ITGB2: variants seen among roughly 807,000 people sequenced by gnomAD.
ITGB2 encodes the protein integrin subunit beta 2.
Under a neutral mutation model 86.8 loss-of-function variants are expected in ITGB2, and 56 were observed. The observed-to-expected ratio is 0.65, with a 90% CI of 0.52 to 0.81. The LOEUF (loss-of-function observed/expected upper bound fraction) is 0.81, where lower values mean the gene tolerates loss of function less well. ITGB2 is among the 30% of genes least tolerant of loss of function. ITGB2 has a pLI of 0.00. For missense variants in ITGB2, 948 were observed against 1,061.2 expected (o/e 0.89, Z 1.48); for synonymous variants, 457 against 450.4 (o/e 1.01, Z -0.19).
intron 1 of ITGB2, among the ~76,000 whole-genome samples, chr21:44,914,622 G>A (rs1283720381): frequency 6.6e-6 from 1 of 152,148 alleles, no homozygotes; most frequent in Non-Finnish European, 1.5e-5. Context: ...GAGAACAGGA[G>A]CAAACACAGG....
intron 4 of ITGB2, among the ~76,000 whole-genome samples, chr21:44,906,175 T>C (rs1410306747): frequency 1.2e-4 from 12 of 102,614 alleles, no homozygotes; most frequent in African/African-American, 4.1e-4. Context: ...CCTCCCTCCC[T>C]TCCCTCCCCT....
At chr21:44,915,448 C>T (rs1182581379) in intron 1 of ITGB2, among the ~76,000 whole-genome samples, 5 of 152,152 alleles carry the variant, frequency 3.3e-5, no homozygotes, top group South Asian at 2.1e-4. Flanking sequence ...ACCCACCTTG[C>T]GCTGTCCTAG....
chr21:44,918,622 G>A (rs796360439), intron 1 of ITGB2, among the ~76,000 whole-genome samples: 18 of 152,304 alleles, frequency 1.2e-4, no homozygotes, highest in African/African-American at 3.6e-4. Flanking sequence ...GGATGGCCGC[G>A]GCCCCTGTGC....
intron 15 of ITGB2, 63 bp downstream of exon 15, chr21:44,886,670 CAGG>C: frequency 6.2e-7 from 1 of 1,605,020 alleles, no homozygotes. Context: ...CCTCCCGCAG[CAGG>C]AGGTCGCATA....
chr21:44,908,230 A>G, intron 3 of ITGB2: 1 of 667,120 alleles, frequency 1.5e-6, no homozygotes, highest in Non-Finnish European at 2.8e-6. Flanking sequence ...ACGGTAAGGA[A>G]TGAGACACCA....
At chr21:44,887,265 C>G (rs1653963973) in intron 14 of ITGB2, among the ~76,000 whole-genome samples, 2 of 152,188 alleles carry the variant, frequency 1.3e-5, no homozygotes, top group Admixed American at 6.5e-5. Context: ...GGCTCAGGGT[C>G]CCTGCTGGAG....
At chr21:44,901,970 G>C (rs939823508) in intron 5 of ITGB2, 9 of 567,692 alleles carry the variant, frequency 1.6e-5, no homozygotes, top group Non-Finnish European at 2.8e-5. Context: ...GAGCATAAGT[G>C]TATGCATGTG....
At position 44,891,684 on chromosome 21, in the gene ITGB2, C is replaced by T. The variant is rs374787289; in HGVS notation, c.1412+125G>A. The T allele has an allele frequency of 6.3e-5, 71 of 1,122,550 alleles. 2 individuals carry two copies. The South Asian group carries it at 7.5e-4, about 12-fold the overall frequency. 69.5% of individuals were successfully genotyped at this position (1,122,550 alleles called of 1,614,324 possible). On this transcript the variant is annotated intron_variant, in intron 11 of 15. Coordinates refer to ENST00000652462, the MANE Select transcript of ITGB2 (RefSeq NM_000211.5). The stretch of plus-strand genomic sequence containing the variant: ...TCCCCACCTCCTGCAGAAGGGGGCC[C>T]CCAGGATGCCTGCTCCGTGGGGTGG...
At chr21:44,892,604 CAAAAAAAAAAAAA>C (rs11327948) in intron 10 of ITGB2, among the ~76,000 whole-genome samples, 1 of 71,144 alleles carries the variant, frequency 1.4e-5, no homozygotes, top group African/African-American at 5.5e-5. Flanking sequence ...AACTCCATCT[CAAAAAAAAAAAAA>C]AAAAAAAAAA....
chr21:44,917,302 T>C (rs1486613476), intron 1 of ITGB2, among the ~76,000 whole-genome samples: 1 of 152,060 alleles, frequency 6.6e-6, no homozygotes, highest in African/African-American at 2.4e-5. Flanking sequence ...TAAAAGTGAA[T>C]TTATGGGGAA....
chr21:44,895,350 G>A (rs1047326800), intron 8 of ITGB2, among the ~76,000 whole-genome samples: 3 of 151,948 alleles, frequency 2.0e-5, no homozygotes, highest in African/African-American at 7.3e-5. Context: ...GGCAACATAA[G>A]AAGACCCCAT....
chr21:44,893,820 C>T (rs2083825261), intron 9 of ITGB2: 37 of 455,136 alleles, frequency 8.1e-5, no homozygotes, highest in South Asian at 6.9e-4. Flanking sequence ...GCCTTGAGTC[C>T]CCAGGACCTA....
At chr21:44,887,457 C>T (rs2083715164) in intron 14 of ITGB2, among the ~76,000 whole-genome samples, 1 of 152,082 alleles carries the variant, frequency 6.6e-6, no homozygotes, top group South Asian at 2.1e-4. Context: ...AGCTGCTGAC[C>T]CTGGGACAGA....
intron 10 of ITGB2, 126 bp from the exon 11 acceptor site, chr21:44,892,122 C>T: frequency 1.1e-6 from 1 of 916,258 alleles, no homozygotes; most frequent in South Asian, 1.4e-5. Context: ...AAGGGGTGAC[C>T]AGGAGCAGGA....
At position 44,899,227 on chromosome 21, in the gene ITGB2, C is replaced by A; in HGVS notation, c.898-65G>T. The A allele has an allele frequency of 3.3e-6, 4 of 1,200,454 alleles. No individual in the cohort carries two copies. The Admixed American group carries it at 7.4e-5, about 22-fold the overall frequency. The allele number at this position is 1,200,454 out of a possible 1,614,324, so 74.4% of individuals were successfully genotyped here. On this transcript the variant is annotated intron_variant, in intron 7 of 15. Transcript: ENST00000652462. ...GGACAAGGCTTCCAGGTACCCGCCC[C>A]TGTCTGCCCCGCTCAGCGTCAGCCC...
intron 4 of ITGB2, among the ~76,000 whole-genome samples, chr21:44,905,383 G>A (rs769210918): frequency 2.0e-4 from 31 of 152,112 alleles, no homozygotes; most frequent in Non-Finnish European, 4.0e-4. Flanking sequence ...CCTGCACAGT[G>A]GGGATGCATG....
chr21:44,889,495 C>A lies in ITGB2; in HGVS notation c.1658G>T (p.Gly553Val). Residue 553 changes from glycine to valine, a missense_variant and splice_region_variant, in exon 13 of 16, where the codon GGG becomes GTG. Physicochemically the swap from Gly to Val is moderately radical, Grantham distance 109 (BLOSUM62 -3). Transcript: ENST00000652462. ...CTTCCCGCAGAAGCAGAGCCCCCTC[C>A]CTGGAAGACGGGGCAGCACGGCTAA... ...RYNGQVCGGP[G>V]RGLCFCGKCR... 2 of 1,561,266 alleles carry A rather than the reference C, an allele frequency of 1.3e-6. No homozygotes were observed. The highest frequency in any genetic ancestry group is 1.7e-6 in the Non-Finnish European group (2 of 1,153,346).
At chr21:44,894,718 G>T (rs562573629) in intron 9 of ITGB2, 1 of 544,276 alleles carries the variant, frequency 1.8e-6, no homozygotes, top group South Asian at 2.0e-5. Flanking sequence ...AGTCTGGAAT[G>T]AAGAGTCCGG....
chr21:44,889,393 C>A lies in ITGB2; in HGVS notation c.1760G>T (p.Arg587Leu). 4 of 1,612,838 alleles carry A rather than the reference C, an allele frequency of 2.5e-6. No homozygotes were observed. The highest frequency in any genetic ancestry group is 2.5e-6 in the Non-Finnish European group (3 of 1,179,822). ...RTTEGCLNPR[R>L]VECSGRGRCR... is the part of the protein sequence containing the mutation. ...CCGGCCACGACCACTACACTCAACA[C>A]GCCGCGGGTTCAGGCAGCCCTCAGT... The change falls in exon 13 of 16, where the codon CGT becomes CTT. Residue 587 changes from arginine (R) to leucine (L), a missense_variant. Transcript: ENST00000652462.
Sources: allele counts gnomAD v4.1 joint callset (sites outside exome capture counted in the v4.1 genomes callset), GRCh38; gene constraint gnomAD v4.1.1; transcripts MANE v1.5; gene names NCBI Gene and HGNC (gene_info 2026-07-23, HGNC 2026-07-21).